The following GPX8 variants were observed in gnomAD, a reference collection of about 807,000 sequenced individuals.
GPX8 encodes the protein protein peroxidase GPX8.
In GPX8, 12 loss-of-function variants were observed where a neutral mutation model predicts 17.8. That is an observed-to-expected ratio of 0.67 (90% CI 0.43 to 1.09). The LOEUF is 1.09. Ranked by LOEUF, GPX8 falls within the 50% of genes least tolerant of loss-of-function variation. GPX8 has a pLI of 0.00. For synonymous variants in GPX8, 86 were observed against 88.1 expected (o/e 0.98, Z 0.14); for missense variants, 209 against 235.6 (o/e 0.89, Z 0.74).
At chr5:55,163,343 G>T (rs957191675) in intron 2 of GPX8, among the ~76,000 whole-genome samples, 1 of 151,740 alleles carries the variant, frequency 6.6e-6, no homozygotes, top group Non-Finnish European at 1.5e-5. Context: ...GCAACACAGC[G>T]AGACCCTGCC....
rs1744295308 is a variant in GPX8 at position 55,164,823 on chromosome 5, G to T, written c.*605G>T. On this transcript the variant is annotated 3_prime_UTR_variant, in exon 3 of 3. Coordinates refer to ENST00000503787, the MANE Select transcript of GPX8 (RefSeq NM_001008397.4). ...TTCTTTTTAAGTACAGGTTCCTAGT[G>T]TTTTACTATAACTGTCACTATGTAT... The T allele has an allele frequency of 6.6e-6, 1 of 152,034 alleles. No homozygotes were observed. Among genetic ancestry groups the T allele is most frequent in the African/African-American group, 2.4e-5 (1 of 41,382 alleles). The allele number at this position is 152,034 out of a possible 1,614,324, so 9.4% of individuals were successfully genotyped here.
In GPX8 at chr5:55,160,315, A is replaced by C; in HGVS notation, c.123A>C (p.Lys41Asn). 1 of 1,613,890 alleles carries C rather than the reference A, an allele frequency of 6.2e-7. No homozygotes were observed. Among genetic ancestry groups the C allele is most frequent in the East Asian group, 2.2e-5 (1 of 44,892 alleles). Residue 41 changes from lysine to asparagine, a missense_variant, in exon 1 of 3, where the codon AAA becomes AAC. By Grantham distance (94) the Lys-to-Asn change is moderately conservative. Transcript: ENST00000503787. ...TLFLLQLKFL[K>N]PKINSFYAFE... ...TTCTTCTACAACTAAAATTCCTCAA[A>C]CCTAAAATCAACAGCTTTTATGCCT...
In GPX8 at chr5:55,160,984, T is replaced by C; in HGVS notation, c.205-10T>C. On this transcript the variant is annotated splice_polypyrimidine_tract_variant and intron_variant, in intron 1 of 2. Transcript: ENST00000503787. ...CACTTTCCGGTTGGATTTTTTTCTT[T>C]TTCCGGGAGGTTTCACTAGTTGTAA... 6.3e-7 allele frequency: 1 copy of C among 1,584,388 alleles called. No homozygotes were observed.
At position 55,164,241 on chromosome 5, in the gene GPX8, G is replaced by A. The variant is rs1308068900; in HGVS notation, c.*23G>A. ...TGAGAATGCCATTGCGTTTCTAATA[G>A]AACAGAGAAATGTCTCCATGAGGGT... On this transcript the variant is annotated 3_prime_UTR_variant, in exon 3 of 3. Coordinates refer to ENST00000503787, the MANE Select transcript of GPX8 (RefSeq NM_001008397.4). The A allele has an allele frequency of 6.7e-7, 1 of 1,488,974 alleles. No homozygotes were observed. Among genetic ancestry groups the A allele is most frequent in the East Asian group, 2.3e-5 (1 of 42,952 alleles). 92.2% of individuals were successfully genotyped at this position (1,488,974 alleles called of 1,614,324 possible).
chr5:55,164,446 C>G lies in GPX8; in HGVS notation c.*228C>G, dbSNP rs1744272616. 3.3e-6 allele frequency: 1 copy of G among 298,666 alleles called. No homozygotes were observed. The allele number at this position is 298,666 out of a possible 1,614,324, so 18.5% of individuals were successfully genotyped here. A position where few individuals can be genotyped will look rare whatever the true frequency, so the allele number is the denominator to read the frequency against. ...TGCTATTAAGTGGTAATGAATGTTC[C>G]CAGGATGAGGATGTTACCCAAAGCA... On this transcript the variant is annotated 3_prime_UTR_variant, in exon 3 of 3. Transcript: ENST00000503787.
chr5:55,163,616 A>G (rs1489811950), intron 2 of GPX8, among the ~76,000 whole-genome samples: 1 of 151,528 alleles, frequency 6.6e-6, no homozygotes, highest in African/African-American at 2.4e-5. Flanking sequence ...AAATGATTCT[A>G]CTGTCTCAGC....
intron 2 of GPX8, among the ~76,000 whole-genome samples, chr5:55,161,593 TC>T (rs1295317391): frequency 1.3e-5 from 2 of 152,244 alleles, no homozygotes; most frequent in Non-Finnish European, 2.9e-5. Flanking sequence ...AAATGTCCCT[TC>T]CCGTCATTAT....
At position 55,160,777 on chromosome 5, in the gene GPX8, G is replaced by A. The variant is rs1206066455; in HGVS notation, c.205-217G>A. The A allele has an allele frequency of 1.6e-5, 8 of 508,182 alleles. No homozygotes were observed. In the Admixed American group the frequency reaches 3.0e-4, roughly 19 times the overall value. 31.5% of individuals were successfully genotyped at this position (508,182 alleles called of 1,614,324 possible). A position where few individuals can be genotyped will look rare whatever the true frequency, so the allele number is the denominator to read the frequency against. The stretch of plus-strand genomic sequence containing the variant: ...TTAATTTAAAAATAAACTTTCATGA[G>A]TATCTAATGCTTTTTTAATGGCAGT... On this transcript the variant is annotated intron_variant, in intron 1 of 2. Coordinates refer to ENST00000503787, the MANE Select transcript of GPX8 (RefSeq NM_001008397.4).
In GPX8 at chr5:55,160,475, G is replaced by A; in HGVS notation, c.204+79G>A. ...TTCCTCTTAATAAAATCAATTTTTT[G>A]CTGTTACATGGTCATAAGTTGGAAT... On this transcript the variant is annotated intron_variant, in intron 1 of 2. Coordinates refer to ENST00000503787, the MANE Select transcript of GPX8 (RefSeq NM_001008397.4). The A allele has an allele frequency of 6.2e-6, 7 of 1,131,110 alleles. No homozygotes were observed. The South Asian group carries it at 7.2e-5, about 12-fold the overall frequency. 70.1% of individuals were successfully genotyped at this position (1,131,110 alleles called of 1,614,324 possible).
rs1364286721 is a variant in GPX8, at chr5:55,161,270, T to G, written c.466+15T>G. 5 of 1,606,026 alleles carry G rather than the reference T, an allele frequency of 3.1e-6. No individual in the cohort carries two copies. The African/African-American group carries it at 4.0e-5, about 13-fold the overall frequency. ...ATTTCTTGTTGGTAAATATCTGCCT[T>G]GCATATGCTGTTTTAAATTGCTTTT... is the stretch of plus-strand genomic sequence containing the variant. On this transcript the variant is annotated intron_variant, in intron 2 of 2. Transcript: ENST00000503787.
In GPX8 at chr5:55,160,219, A is replaced by G. The variant is rs751541942; in HGVS notation, c.27A>G (p.Leu9=). Residue 9 remains leucine (L), a synonymous_variant, in exon 1 of 3, where the codon CTA becomes CTG. Coordinates refer to ENST00000503787, the MANE Select transcript of GPX8 (RefSeq NM_001008397.4). ...TGGAGCCTCTTGCAGCTTACCCGCT[A>G]AAATGTTCCGGGCCCAGAGCAAAGG... MEPLAAYP[L]KCSGPRAKVF... 1.9e-6 allele frequency: 3 copies of G among 1,613,994 alleles called. No homozygotes were observed. The highest frequency in any genetic ancestry group is 1.7e-5 in the Admixed American group (1 of 60,022).
chr5:55,163,390 A>T (rs148601699), intron 2 of GPX8, among the ~76,000 whole-genome samples: 1 of 152,160 alleles, frequency 6.6e-6, no homozygotes, highest in Non-Finnish European at 1.5e-5. Context: ...TAAGGTGATT[A>T]TTCACTTTGG....
rs1744438411 is a variant in GPX8 at position 55,167,151 on chromosome 5, G to A, written c.*2933G>A. 6.6e-6 allele frequency: 1 copy of A among 152,220 alleles called. No homozygotes were observed. The highest frequency in any genetic ancestry group is 6.5e-5 in the Admixed American group (1 of 15,270). 9.4% of individuals were successfully genotyped at this position (152,220 alleles called of 1,614,324 possible). ...GGACAAAATCAAATGCATTTTAACT[G>A]TGGTAACTAATTCACTGACTTGAAG... On this transcript the variant is annotated 3_prime_UTR_variant, in exon 3 of 3. Coordinates refer to ENST00000503787, the MANE Select transcript of GPX8 (RefSeq NM_001008397.4).
In GPX8 at chr5:55,164,330, T is replaced by G; in HGVS notation, c.*112T>G. On this transcript the variant is annotated 3_prime_UTR_variant, in exon 3 of 3. Coordinates refer to ENST00000503787, the MANE Select transcript of GPX8 (RefSeq NM_001008397.4). Reference sequence around the variant, plus strand: ...TCTCACTCTGTCACCCAGGCTGGAGTGCAGTAGTGCGTTCTCAGCTCATTG... The same window carrying G: ...TCTCACTCTGTCACCCAGGCTGGAGGGCAGTAGTGCGTTCTCAGCTCATTG... 1 of 672,730 alleles carries G rather than the reference T, an allele frequency of 1.5e-6. No individual in the cohort carries two copies. Among genetic ancestry groups the G allele is most frequent in the Non-Finnish European group, 2.2e-6 (1 of 451,648 alleles). The allele number at this position is 672,730 out of a possible 1,614,324, so 41.7% of individuals were successfully genotyped here.
At chr5:55,160,950 C>A (rs780717881) in intron 1 of GPX8, 44 bp from the exon 2 acceptor site, 1 of 1,576,352 alleles carries the variant, frequency 6.3e-7, no homozygotes, top group African/African-American at 1.4e-5. Context: ...TTTTTAAAAT[C>A]TTTTGCTTCA....
At chr5:55,160,819 A>G in intron 1 of GPX8, 175 bp from the exon 2 acceptor site, 1 of 616,638 alleles carries the variant, frequency 1.6e-6, no homozygotes. Flanking sequence ...TCAGGGCCTT[A>G]ACCCAGGCAT....
At chr5:55,162,980 T>A (rs1401748749) in intron 2 of GPX8, among the ~76,000 whole-genome samples, 1 of 152,132 alleles carries the variant, frequency 6.6e-6, no homozygotes, top group East Asian at 1.9e-4. Context: ...TGTCTAGGCT[T>A]CCATTTATCT....
At chr5:55,161,783 G>T (rs1307723412) in intron 2 of GPX8, among the ~76,000 whole-genome samples, 1 of 152,146 alleles carries the variant, frequency 6.6e-6, no homozygotes, top group Non-Finnish European at 1.5e-5. Flanking sequence ...AGTAGTGTTA[G>T]GCTATTTCTC....
At chr5:55,160,926 A>C (rs1744013441) in intron 1 of GPX8, 68 bp from the exon 2 acceptor site, 1 of 1,517,650 alleles carries the variant, frequency 6.6e-7, no homozygotes. Flanking sequence ...TAGGATTTTA[A>C]CTACTTGCAG....
Sources: allele counts gnomAD v4.1 joint callset (sites outside exome capture counted in the v4.1 genomes callset), GRCh38; gene constraint gnomAD v4.1.1; transcripts MANE v1.5; gene names NCBI Gene and HGNC (gene_info 2026-07-23, HGNC 2026-07-21).